The following JADE3 variants were observed in gnomAD, a reference collection of about 807,000 sequenced individuals.
The protein encoded by JADE3 is protein Jade-3.
JADE3 carries 2 observed loss-of-function variants against 50.1 expected under a neutral mutation model. That is an observed-to-expected ratio of 0.04 (90% CI 0.02 to 0.13). The LOEUF is 0.13. Among genes scored for constraint, JADE3 ranks in the 10% least tolerant of loss-of-function variants. JADE3 has a pLI of 1.00. For missense variants in JADE3, 475 were observed against 634.4 expected (o/e 0.75, Z 2.70); for synonymous variants, 218 against 232.9 (o/e 0.94, Z 0.58).
At chrX:46,982,771 C>T (rs1312031343) in intron 1 of JADE3, among the ~76,000 whole-genome samples, 2 of 111,164 alleles carry the variant, frequency 1.8e-5, no homozygotes, top group Non-Finnish European at 3.8e-5. Context: ...TTGGCTGTCT[C>T]TTTACTTGAC....
chrX:47,055,806 G>T (rs972586198), intron 9 of JADE3, among the ~76,000 whole-genome samples: 3 of 112,184 alleles, frequency 2.7e-5, no homozygotes, highest in Non-Finnish European at 5.6e-5. Context: ...TCCCAACCTG[G>T]CTGTGCAAAT....
chrX:46,913,441 GA>G (rs1926011990), intron 1 of JADE3, among the ~76,000 whole-genome samples: 1 of 111,582 alleles, frequency 9.0e-6, no homozygotes, highest in Non-Finnish European at 1.9e-5. Flanking sequence ...GGAAAATCGT[GA>G]GGGCTTTGCT....
chrX:47,041,159 C>A (rs1457324975), intron 8 of JADE3, among the ~76,000 whole-genome samples: 1 of 111,330 alleles, frequency 9.0e-6, no homozygotes, highest in African/African-American at 3.3e-5. Flanking sequence ...CATCATTTTT[C>A]TGTGAATTTC....
intron 4 of JADE3, among the ~76,000 whole-genome samples, chrX:47,016,677 TA>T (rs1928684206): frequency 9.2e-6 from 1 of 108,779 alleles, no homozygotes; most frequent in Non-Finnish European, 1.9e-5. Flanking sequence ...ATAATATTTT[TA>T]ATGTTTGTCT....
intron 3 of JADE3, among the ~76,000 whole-genome samples, chrX:46,996,502 G>T (rs782026450): frequency 8.9e-6 from 1 of 112,118 alleles, no homozygotes; most frequent in African/African-American, 3.2e-5. Flanking sequence ...AAAACAGTAG[G>T]AATTTATTCT....
intron 8 of JADE3, among the ~76,000 whole-genome samples, chrX:47,040,429 G>A (rs1207648042): frequency 9.0e-6 from 1 of 111,599 alleles, no homozygotes; most frequent in Non-Finnish European, 1.9e-5. Context: ...GCGCATGCGA[G>A]GGATCTAGGT....
chrX:46,997,986 G>A, intron 3 of JADE3, 134 bp from the exon 4 acceptor site: 5 of 490,030 alleles, frequency 1.0e-5, no homozygotes, highest in South Asian at 4.7e-5. Context: ...AGTTGATCTG[G>A]CCATTTAGGA....
At chrX:46,975,714 C>CTTTTTTTTTTTTTTTTT (rs782578317) in intron 1 of JADE3, among the ~76,000 whole-genome samples, 8 of 40,518 alleles carry the variant, frequency 2.0e-4, no homozygotes, top group African/African-American at 4.4e-4. Flanking sequence ...TTTTCTTTTT[C>CTTTTTTTTTTTTTTTTT]TTTTTTTTTT....
Position 46,984,905 on chromosome X carries a change from A to G in JADE3, c.11A>G (p.His4Arg), listed in dbSNP as rs1556354121. 1 of 1,209,711 alleles carries G rather than the reference A, an allele frequency of 8.3e-7. No individual in the cohort carries two copies. The highest frequency in any genetic ancestry group is 1.1e-6 in the Non-Finnish European group (1 of 893,631). MKR[H>R]RPVSSSDSSD... ...CCAGGATGCTCCAGGATGAAACGCC[A>G]TAGGCCTGTCAGCAGCAGTGACAGT... The change falls in exon 2 of 11, where the codon CAT (histidine) becomes CGT (arginine). Residue 4 changes from histidine (H) to arginine (R), a missense_variant. His to Arg is a conservative substitution (Grantham distance 29). Coordinates refer to ENST00000614628, the MANE Select transcript of JADE3 (RefSeq NM_014735.5).
intron 8 of JADE3, among the ~76,000 whole-genome samples, chrX:47,052,018 T>TGGGAGGCAGAGGTTGCA (rs1297574453): frequency 4.9e-5 from 5 of 102,054 alleles, no homozygotes; most frequent in African/African-American, 1.8e-4. Flanking sequence ...CACTTGAGCC[T>TGGGAGGCAGAGGTTGCA]GGGAGGCAGA....
At chrX:46,948,539 T>G (rs781847974) in intron 1 of JADE3, among the ~76,000 whole-genome samples, 5 of 111,828 alleles carry the variant, frequency 4.5e-5, no homozygotes, top group South Asian at 3.7e-4. Flanking sequence ...ATACAATATA[T>G]TATTGATAGT....
In JADE3 at chrX:46,931,597, A is replaced by G. The variant is rs1248867826; in HGVS notation, c.-12+18878A>G. ...CCACCATGCCCAGCTAATTTTTTGT[A>G]TTTTTAGTAGAGACGGGGGTTTCAC... On this transcript the variant is annotated intron_variant, in intron 1 of 10. Coordinates refer to ENST00000614628, the MANE Select transcript of JADE3 (RefSeq NM_014735.5). Among the ~76,000 whole-genome samples the G allele has an allele frequency of 3.7e-5, 4 of 109,502 alleles. No homozygotes were observed. In the East Asian group the frequency reaches 1.1e-3, roughly 31 times the overall value.
At chrX:46,932,251 C>T (rs1414654241) in intron 1 of JADE3, among the ~76,000 whole-genome samples, 1 of 111,864 alleles carries the variant, frequency 8.9e-6, no homozygotes, top group Non-Finnish European at 1.9e-5. Flanking sequence ...TAGGGGATTG[C>T]ATCTTTGTTT....
intron 3 of JADE3, among the ~76,000 whole-genome samples, chrX:46,997,324 G>A (rs940814997): frequency 3.6e-5 from 4 of 109,890 alleles, no homozygotes; most frequent in African/African-American, 1.0e-4. Flanking sequence ...GCAACCTGTC[G>A]AAACCCTGCC....
At chrX:46,980,586 C>T (rs1927726144) in intron 1 of JADE3, among the ~76,000 whole-genome samples, 1 of 111,253 alleles carries the variant, frequency 9.0e-6, no homozygotes, top group Non-Finnish European at 1.9e-5. Flanking sequence ...CCTGGATATG[C>T]TTCTGAGAGC....
At chrX:47,022,273 G>A (rs1192323971) in intron 4 of JADE3, among the ~76,000 whole-genome samples, 1 of 111,889 alleles carries the variant, frequency 8.9e-6, no homozygotes, top group Non-Finnish European at 1.9e-5. Context: ...CTTTTTAGTT[G>A]GGTATGTTTC....
chrX:46,998,197 T>C lies in JADE3; in HGVS notation c.204T>C (p.Phe68=). ...HHINPDSYYL[F]ADTWKEEWEK... ...TTAATCCTGATAGCTATTACCTCTT[T>C]GCTGATACATGGAAGGAAGAATGGG... The change falls in exon 4 of 11, where the codon TTT becomes TTC. Residue 68 remains phenylalanine (F), a synonymous_variant. Coordinates refer to ENST00000614628, the MANE Select transcript of JADE3 (RefSeq NM_014735.5). The C allele has an allele frequency of 1.7e-6, 2 of 1,204,699 alleles. No individual in the cohort carries two copies. The highest frequency in any genetic ancestry group is 4.6e-4 in the Middle Eastern group (2 of 4,339).
chrX:47,059,447 C>G lies in JADE3; in HGVS notation c.*370C>G, dbSNP rs1272456942. The G allele has an allele frequency of 7.6e-6, 1 of 131,725 alleles. No individual in the cohort carries two copies. Among genetic ancestry groups the G allele is most frequent in the Non-Finnish European group, 1.5e-5 (1 of 66,825 alleles). The allele number at this position is 131,725 out of a possible 1,213,427, so 10.9% of individuals were successfully genotyped here. A position where few individuals can be genotyped will look rare whatever the true frequency, so the allele number is the denominator to read the frequency against. On this transcript the variant is annotated 3_prime_UTR_variant, in exon 11 of 11. Transcript: ENST00000614628. ...AGACCATGATTATCAGACACTAAAA[C>G]TACTTATCTTTTGAAGCTACAGCAT...
chrX:47,002,885 C>T (rs964416158), intron 4 of JADE3, among the ~76,000 whole-genome samples: 3 of 111,134 alleles, frequency 2.7e-5, no homozygotes, highest in African/African-American at 6.5e-5. Context: ...CAATCTTAGG[C>T]GGAAGGCTTT....
Sources: gnomAD v4.1 joint callset for allele counts (sites outside exome capture counted in the v4.1 genomes callset) on GRCh38, gnomAD v4.1.1 for gene constraint, MANE v1.5 for transcripts, NCBI Gene and HGNC (gene_info 2026-07-23, HGNC 2026-07-21) for gene names.